KCNQ5: variants seen among roughly 807,000 people sequenced by gnomAD.
KCNQ5 encodes the protein potassium voltage-gated channel subfamily Q member 5, also known as potassium voltage-gated channel subfamily KQT member 5.
KCNQ5 carries 30 observed loss-of-function variants against 98.2 expected under a neutral mutation model. That is an observed-to-expected ratio of 0.31 (90% CI 0.23 to 0.41). The LOEUF (loss-of-function observed/expected upper bound fraction) is 0.41, where lower values mean the gene tolerates loss of function less well. Ranked by LOEUF, KCNQ5 falls within the 10% of genes least tolerant of loss-of-function variation. The pLI, the probability that KCNQ5 is intolerant of heterozygous loss-of-function variation, is 1.00. For synonymous variants in KCNQ5, 458 were observed against 449.4 expected (o/e 1.02, Z -0.24); for missense variants, 835 against 1,182.5 (o/e 0.71, Z 4.31).
chr6:72,692,369 C>T (rs190226335), intron 1 of KCNQ5, among the ~76,000 whole-genome samples: 9 of 152,268 alleles, frequency 5.9e-5, no homozygotes, highest in African/African-American at 1.9e-4. Flanking sequence ...GCAGGTTGTG[C>T]GAGAAACATC....
intron 1 of KCNQ5, among the ~76,000 whole-genome samples, chr6:72,897,960 C>A (rs901147299): frequency 7.2e-5 from 11 of 152,320 alleles, no homozygotes; most frequent in Non-Finnish European, 1.2e-4. Context: ...GTTCATACTA[C>A]CAAAACAGAC....
At chr6:72,680,330 T>C (rs1767643211) in intron 1 of KCNQ5, among the ~76,000 whole-genome samples, 3 of 152,362 alleles carry the variant, frequency 2.0e-5, no homozygotes, top group African/African-American at 7.2e-5. Context: ...GTTTTCAAGG[T>C]ACATTCATGG....
At position 73,194,532 on chromosome 6, in the gene KCNQ5, C is replaced by T. The variant is rs1272954086; in HGVS notation, c.1917C>T (p.Leu639=). 6.2e-6 allele frequency: 10 copies of T among 1,614,100 alleles called. No individual in the cohort carries two copies. Among genetic ancestry groups the T allele is most frequent in the African/African-American group, 1.3e-5 (1 of 74,940 alleles). ...TTCGGAAAGGCTCTGCCTCAGCCCT[C>T]GCTTTGGCTTCATTCCAGATCCCAC... is the stretch of plus-strand genomic sequence containing the variant. The part of the protein sequence containing the change: ...QVLRKGSASA[L]ALASFQIPPF... The change falls in exon 14 of 14, where the codon CTC becomes CTT. Residue 639 remains leucine, a synonymous_variant. Transcript: ENST00000370398.
chr6:72,751,616 G>C (rs1053160820), intron 1 of KCNQ5, among the ~76,000 whole-genome samples: 6 of 151,954 alleles, frequency 3.9e-5, no homozygotes, highest in Non-Finnish European at 8.8e-5. Flanking sequence ...CTTAATAATT[G>C]ATTCTGGAAT....
chr6:73,169,099 A>G (rs1002403400), intron 10 of KCNQ5, among the ~76,000 whole-genome samples: 5 of 152,226 alleles, frequency 3.3e-5, no homozygotes, highest in African/African-American at 7.2e-5. Flanking sequence ...ATAATTTGGC[A>G]TTTATTATAA....
intron 1 of KCNQ5, among the ~76,000 whole-genome samples, chr6:72,812,437 A>G (rs961498686): frequency 6.6e-6 from 1 of 152,212 alleles, no homozygotes; most frequent in African/African-American, 2.4e-5. Context: ...ATCATATTGT[A>G]CAGGGAGCCC....
chr6:72,744,797 G>A (rs542473030), intron 1 of KCNQ5, among the ~76,000 whole-genome samples: 7 of 151,568 alleles, frequency 4.6e-5, no homozygotes, highest in African/African-American at 1.2e-4. Context: ...GTGACAGAGC[G>A]AGACTCCGTC....
At chr6:73,106,380 A>G (rs886431613) in intron 6 of KCNQ5, among the ~76,000 whole-genome samples, 3 of 152,236 alleles carry the variant, frequency 2.0e-5, no homozygotes. Context: ...CATACTAACT[A>G]TATGACTGCT....
chr6:73,157,324 A>G (rs1378370311), intron 10 of KCNQ5, among the ~76,000 whole-genome samples: 3 of 152,128 alleles, frequency 2.0e-5, no homozygotes, highest in African/African-American at 7.2e-5. Flanking sequence ...AGTGTGCAGA[A>G]AAGGGCTGAG....
intron 1 of KCNQ5, among the ~76,000 whole-genome samples, chr6:72,764,317 A>G (rs575199586): frequency 6.6e-6 from 1 of 152,164 alleles, no homozygotes; most frequent in East Asian, 1.9e-4. Flanking sequence ...CTAACCCACT[A>G]GGTAGAAATT....
chr6:73,072,680 A>G (rs1254542403), intron 3 of KCNQ5, among the ~76,000 whole-genome samples: 1 of 152,180 alleles, frequency 6.6e-6, no homozygotes, highest in African/African-American at 2.4e-5. Flanking sequence ...TATTTTGTTC[A>G]AATCTTTGCA....
intron 1 of KCNQ5, among the ~76,000 whole-genome samples, chr6:72,933,394 T>C (rs1765772430): frequency 1.3e-5 from 2 of 152,208 alleles, no homozygotes; most frequent in Non-Finnish European, 2.9e-5. Context: ...ATGCCATCCA[T>C]AATTCTTACA....
chr6:72,930,707 TTA>T (rs1158876981), intron 1 of KCNQ5, among the ~76,000 whole-genome samples: 2 of 152,108 alleles, frequency 1.3e-5, no homozygotes, highest in Middle Eastern at 3.2e-3. Flanking sequence ...GTTGCTTACA[TTA>T]ATTGCTTTCA....
At chr6:72,892,987 G>A (rs887972545) in intron 1 of KCNQ5, among the ~76,000 whole-genome samples, 3 of 152,156 alleles carry the variant, frequency 2.0e-5, no homozygotes, top group Admixed American at 6.5e-5. Context: ...CATCCTGGGG[G>A]AAGAGGCGGC....
At chr6:73,126,453 GT>G (rs987178119) in intron 9 of KCNQ5, among the ~76,000 whole-genome samples, 85 of 152,338 alleles carry the variant, frequency 5.6e-4, no homozygotes, top group African/African-American at 1.9e-3. Flanking sequence ...AAGTGTCACT[GT>G]TGAGCTTCTG....
intron 1 of KCNQ5, among the ~76,000 whole-genome samples, chr6:72,964,496 T>C (rs1448915025): frequency 6.6e-6 from 1 of 152,206 alleles, no homozygotes; most frequent in Non-Finnish European, 1.5e-5. Flanking sequence ...AAAGACATTA[T>C]TTGTATATGA....
intron 1 of KCNQ5, among the ~76,000 whole-genome samples, chr6:73,000,965 T>C (rs1769541412): frequency 6.6e-6 from 1 of 152,336 alleles, no homozygotes; most frequent in Non-Finnish European, 1.5e-5. Context: ...TTTCATCCTG[T>C]TCTGCAAACT....
At chr6:73,043,038 A>G (rs1368943082) in intron 3 of KCNQ5, 1 of 265,130 alleles carries the variant, frequency 3.8e-6, no homozygotes, top group Non-Finnish European at 8.5e-6. Context: ...TATCTTCTAC[A>G]GCTACCACAG....
chr6:72,764,955 T>A (rs892350974), intron 1 of KCNQ5, among the ~76,000 whole-genome samples: 1 of 152,074 alleles, frequency 6.6e-6, no homozygotes, highest in Non-Finnish European at 1.5e-5. Context: ...CTGGATCTCA[T>A]TCATTTTTAT....
Sources: allele counts gnomAD v4.1 joint callset (sites outside exome capture counted in the v4.1 genomes callset), GRCh38; gene constraint gnomAD v4.1.1; transcripts MANE v1.5; gene names NCBI Gene and HGNC (gene_info 2026-07-23, HGNC 2026-07-21).